Variants in ZNF77 observed in about 807,000 individuals in gnomAD.
ZNF77 encodes ZNFpT1.
ZNF77 carries 15 observed loss-of-function variants against 13.5 expected under a neutral mutation model. That is an observed-to-expected ratio of 1.11 (90% CI 0.74 to 1.71). The LOEUF (loss-of-function observed/expected upper bound fraction) is 1.71, where lower values mean the gene tolerates loss of function less well. Among genes scored for constraint, ZNF77 ranks in the 40% most tolerant of loss-of-function variants. The pLI is 0.00. For missense variants in ZNF77, 717 were observed against 676.4 expected (o/e 1.06, Z -0.67); for synonymous variants, 282 against 250.0 (o/e 1.13, Z -1.21).
In ZNF77 at chr19:2,944,936, G is replaced by T. The variant is rs2088483297; in HGVS notation, c.-96C>A. On this transcript the variant is annotated 5_prime_UTR_variant, in exon 1 of 4. Coordinates refer to ENST00000314531, the MANE Select transcript of ZNF77 (RefSeq NM_021217.3). ...AGGACACCTGAGCCGCTCGGGGTAG[G>T]CGGGGAAGCGCGCAAGGCAGAGGGG... 3.5e-6 allele frequency: 5 copies of T among 1,428,516 alleles called. No individual in the cohort carries two copies. Among genetic ancestry groups the T allele is most frequent in the Admixed American group, 2.7e-5 (1 of 37,670 alleles). The allele number at this position is 1,428,516 out of a possible 1,614,324, so 88.5% of individuals were successfully genotyped here.
rs558255464 is a variant in ZNF77 at position 2,938,816 on chromosome 19, C to T, written c.130+465G>A. Among the ~76,000 whole-genome samples, 13 of 152,154 alleles carry T rather than the reference C, an allele frequency of 8.5e-5. No homozygotes were observed. In the East Asian group the frequency reaches 1.4e-3, roughly 16 times the overall value. ...CTAAAGCTACAAAAAATTAGCCAGG[C>T]GTGGTGGTGGGCACCTGTAGTCCCA... On this transcript the variant is annotated intron_variant, in intron 2 of 3. Coordinates refer to ENST00000314531, the MANE Select transcript of ZNF77 (RefSeq NM_021217.3).
At chr19:2,938,824 T>A (rs368173872) in intron 2 of ZNF77, among the ~76,000 whole-genome samples, 2 of 151,994 alleles carry the variant, frequency 1.3e-5, no homozygotes, top group African/African-American at 4.8e-5. Context: ...GGCGTGGTGG[T>A]GGGCACCTGT....
At chr19:2,942,075 CTT>C (rs36016142) in intron 1 of ZNF77, among the ~76,000 whole-genome samples, 22 of 143,936 alleles carry the variant, frequency 1.5e-4, no homozygotes, top group Non-Finnish European at 1.1e-4. Context: ...AGCATTTATT[CTT>C]TTTTTTTTTT....
At chr19:2,943,482 A>G (rs2088468476) in intron 1 of ZNF77, among the ~76,000 whole-genome samples, 1 of 151,688 alleles carries the variant, frequency 6.6e-6, no homozygotes, top group Non-Finnish European at 1.5e-5. Context: ...AGCAAGCAGT[A>G]AGTGTGGAGT....
Position 2,933,268 on chromosome 19 carries a change from C to A in ZNF77, c.*221G>T. ...ATTAAATGTTTATATCACAAACATACACTAGAAATTAATACAAAAGGAATC... is the reference window on the plus strand; with the variant it reads ...ATTAAATGTTTATATCACAAACATAAACTAGAAATTAATACAAAAGGAATC... On this transcript the variant is annotated 3_prime_UTR_variant, in exon 4 of 4. Coordinates refer to ENST00000314531, the MANE Select transcript of ZNF77 (RefSeq NM_021217.3). 1 of 432,666 alleles carries A rather than the reference C, an allele frequency of 2.3e-6. No individual in the cohort carries two copies. Among genetic ancestry groups the A allele is most frequent in the Non-Finnish European group, 4.0e-6 (1 of 248,980 alleles). 26.8% of individuals were successfully genotyped at this position (432,666 alleles called of 1,614,324 possible). A position where few individuals can be genotyped will look rare whatever the true frequency, so the allele number is the denominator to read the frequency against.
Position 2,934,144 on chromosome 19 carries a change from T to C in ZNF77, c.983A>G (p.His328Arg), listed in dbSNP as rs200559103. Reference sequence around the variant, plus strand: ...GTAACAAGTGAACGCTTTTCCGCAATGTTTACACTGACAGGGTTTCTCTCC... The same window carrying C: ...GTAACAAGTGAACGCTTTTCCGCAACGTTTACACTGACAGGGTTTCTCTCC... ...HTGEKPCQCK[H>R]CGKAFTCYSS... Residue 328 changes from histidine (H) to arginine (R), a missense_variant, in exon 4 of 4, where the codon CAT becomes CGT. Transcript: ENST00000314531. 1.1e-5 allele frequency: 18 copies of C among 1,613,984 alleles called. No individual in the cohort carries two copies. The highest frequency in any genetic ancestry group is 3.3e-5 in the Admixed American group (2 of 59,984).
rs1340756305 is a variant in ZNF77, at chr19:2,944,818, G to C, written c.3+20C>G. The C allele has an allele frequency of 6.6e-6, 10 of 1,514,466 alleles. No individual in the cohort carries two copies. Among genetic ancestry groups the C allele is most frequent in the Non-Finnish European group, 7.9e-6 (9 of 1,137,160 alleles). The allele number at this position is 1,514,466 out of a possible 1,614,324, so 93.8% of individuals were successfully genotyped here. ...CCCACCTCGCCCTGGGCCCGGGCTC[G>C]GCTCCCGCCCGGCACTCACCATGTC... On this transcript the variant is annotated intron_variant, in intron 1 of 3. Coordinates refer to ENST00000314531, the MANE Select transcript of ZNF77 (RefSeq NM_021217.3).
chr19:2,933,635 C>A lies in ZNF77; in HGVS notation c.1492G>T (p.Gly498Trp). The change falls in exon 4 of 4, where the codon GGG (glycine) becomes TGG (tryptophan). Residue 498 changes from glycine (G) to tryptophan (W), a missense_variant. Physicochemically the swap from Gly to Trp is radical, Grantham distance 184. Transcript: ENST00000314531. The part of the protein sequence containing the change: ...GVKPYECTEC[G>W]KAYSCSSSLR... ...GACGAGGAACAACTGTAGGCTTTCC[C>A]ACATTCAGTACATTCGTAGGGTTTG... 1 of 1,614,012 alleles carries A rather than the reference C, an allele frequency of 6.2e-7. No individual in the cohort carries two copies. The highest frequency in any genetic ancestry group is 8.5e-7 in the Non-Finnish European group (1 of 1,179,890).
At chr19:2,941,687 C>T (rs1310445991) in intron 1 of ZNF77, among the ~76,000 whole-genome samples, 1 of 152,116 alleles carries the variant, frequency 6.6e-6, no homozygotes, top group East Asian at 1.9e-4. Context: ...AATTGTTCGT[C>T]AGTCCCCTAA....
chr19:2,936,494 G>C, intron 3 of ZNF77, 30 bp downstream of exon 3: 1 of 1,559,266 alleles, frequency 6.4e-7, no homozygotes, highest in Non-Finnish European at 8.6e-7. Flanking sequence ...TCTGCGGAGA[G>C]GCCCATCCCT....
chr19:2,935,817 T>C (rs1274733104), intron 3 of ZNF77, among the ~76,000 whole-genome samples: 1 of 151,948 alleles, frequency 6.6e-6, no homozygotes, highest in Non-Finnish European at 1.5e-5. Flanking sequence ...AGGAGTTTGA[T>C]ACCAGCCTGG....
chr19:2,943,786 T>C (rs2088472163), intron 1 of ZNF77, among the ~76,000 whole-genome samples: 1 of 142,548 alleles, frequency 7.0e-6, no homozygotes, highest in Non-Finnish European at 1.5e-5. Flanking sequence ...GTCGGCTCAC[T>C]GCAAGCTCCA....
chr19:2,933,554 A>G lies in ZNF77; in HGVS notation c.1573T>C (p.Cys525Arg), dbSNP rs773747129. The G allele has an allele frequency of 6.2e-7, 1 of 1,610,412 alleles. No individual in the cohort carries two copies. The highest frequency in any genetic ancestry group is 8.5e-7 in the Non-Finnish European group (1 of 1,177,300). The stretch of plus-strand genomic sequence containing the variant: ...GCGAGATACCTGAAGGTTTTCCCAC[A>G]CTGCTTGCATTCATACGGTCTCTCT... The part of the protein sequence containing the change: ...TGERPYECKQ[C>R]GKTFRYLASL... The change falls in exon 4 of 4, where the codon TGT becomes CGT. Residue 525 changes from cysteine to arginine, a missense_variant. By Grantham distance (180) the Cys-to-Arg change is radical. Coordinates refer to ENST00000314531, the MANE Select transcript of ZNF77 (RefSeq NM_021217.3).
intron 1 of ZNF77, among the ~76,000 whole-genome samples, chr19:2,943,692 A>ATTTTTTTTTTTTTT (rs10633206): frequency 3.4e-4 from 26 of 76,752 alleles, no homozygotes; most frequent in Admixed American, 7.6e-4. Flanking sequence ...TCTAGCCAGG[A>ATTTTTTTTTTTTTT]TTTTTTTTTT....
At chr19:2,935,407 T>A (rs2072930039) in intron 3 of ZNF77, among the ~76,000 whole-genome samples, 1 of 143,058 alleles carries the variant, frequency 7.0e-6, no homozygotes, top group Non-Finnish European at 1.5e-5. Flanking sequence ...AACCTCCACC[T>A]CCCAGGTTCA....
chr19:2,934,001 CGGTG>C lies in ZNF77; in HGVS notation c.1122_1125del (p.His374GlnfsTer25). On this transcript the variant is annotated frameshift_variant, in exon 4 of 4. Coordinates refer to ENST00000314531, the MANE Select transcript of ZNF77 (RefSeq NM_021217.3). LOFTEE classifies it low-confidence loss of function (END_TRUNC). ...TGCTTGCACACATAGGGCTTCTCTC[CGGTG>C]TGCATTCTCATGTGTGCTCGCAGAG... is the stretch of plus-strand genomic sequence containing the variant. 1 of 1,614,190 alleles carries C rather than the reference CGGTG, an allele frequency of 6.2e-7. No homozygotes were observed. Among genetic ancestry groups the C allele is most frequent in the Non-Finnish European group, 8.5e-7 (1 of 1,180,034 alleles).
chr19:2,934,379 T>C lies in ZNF77; in HGVS notation c.748A>G (p.Met250Val). Residue 250 changes from methionine (M) to valine (V), a missense_variant, in exon 4 of 4, where the codon ATG becomes GTG. Coordinates refer to ENST00000314531, the MANE Select transcript of ZNF77 (RefSeq NM_021217.3). Reference protein sequence around the residue: ...HACKVCGKTFMYYSYLTRHVR... With the variant: ...HACKVCGKTFVYYSYLTRHVR... ...TGCCGTGTAAGGTAGGAGTAATACA[T>C]AAAGGTCTTCCCACATACTTTACAT... 1 of 1,614,228 alleles carries C rather than the reference T, an allele frequency of 6.2e-7. No homozygotes were observed. The highest frequency in any genetic ancestry group is 8.5e-7 in the Non-Finnish European group (1 of 1,180,048).
At chr19:2,943,852 G>A (rs555408565) in intron 1 of ZNF77, among the ~76,000 whole-genome samples, 129 of 151,962 alleles carry the variant, frequency 8.5e-4, no homozygotes, top group Non-Finnish European at 1.6e-3. Flanking sequence ...TGGGATTGCA[G>A]GCGCCCGCCA....
chr19:2,933,643 G>C lies in ZNF77; in HGVS notation c.1484C>G (p.Thr495Ser). ...SHSGVKPYEC[T>S]ECGKAYSCSS... The stretch of plus-strand genomic sequence containing the variant: ...ACAACTGTAGGCTTTCCCACATTCA[G>C]TACATTCGTAGGGTTTGACCCCACT... The change falls in exon 4 of 4, where the codon ACT becomes AGT. Residue 495 changes from threonine to serine, a missense_variant. By Grantham distance (58) the Thr-to-Ser change is moderately conservative. Coordinates refer to ENST00000314531, the MANE Select transcript of ZNF77 (RefSeq NM_021217.3). 1 of 1,598,118 alleles carries C rather than the reference G, an allele frequency of 6.3e-7. No homozygotes were observed. Among genetic ancestry groups the C allele is most frequent in the East Asian group, 2.3e-5 (1 of 43,650 alleles).
Sources: allele counts gnomAD v4.1 joint callset (sites outside exome capture counted in the v4.1 genomes callset), GRCh38; gene constraint gnomAD v4.1.1; transcripts MANE v1.5; gene names NCBI Gene and HGNC (gene_info 2026-07-23, HGNC 2026-07-21).